The following KIDINS220 variants were observed in gnomAD, a reference collection of about 807,000 sequenced individuals.
KIDINS220 encodes kinase D interacting substrate 220, also known as kinase D-interacting substrate of 220 kDa.
Under a neutral mutation model 157.6 loss-of-function variants are expected in KIDINS220, and 63 were observed. The ratio of observed to expected loss-of-function variants is 0.40; its 90% CI spans 0.33 to 0.49. The LOEUF (loss-of-function observed/expected upper bound fraction) is 0.49. Among genes scored for constraint, KIDINS220 ranks in the 20% least tolerant of loss-of-function variants. The probability of loss-of-function intolerance (pLI) is 0.66; values close to 1 mark genes in which losing one functional copy is unlikely to be tolerated. For synonymous variants in KIDINS220, 732 were observed against 783.6 expected (o/e 0.93, Z 1.10); for missense variants, 1,772 against 2,171.2 (o/e 0.82, Z 3.65).
chr2:8,745,435 T>C (rs1281133700), intron 26 of KIDINS220, among the ~76,000 whole-genome samples: 1 of 152,172 alleles, frequency 6.6e-6, no homozygotes, highest in East Asian at 1.9e-4. Flanking sequence ...CATCAACCTC[T>C]CAACGAAAGC....
At chr2:8,777,227 T>C (rs1457959479) in intron 20 of KIDINS220, among the ~76,000 whole-genome samples, 1 of 152,204 alleles carries the variant, frequency 6.6e-6, no homozygotes, top group Non-Finnish European at 1.5e-5. Flanking sequence ...GGGGTCTGGC[T>C]ATTTATAGAA....
chr2:8,799,440 C>G (rs1203373069), intron 9 of KIDINS220, among the ~76,000 whole-genome samples: 1 of 151,938 alleles, frequency 6.6e-6, no homozygotes, highest in Non-Finnish European at 1.5e-5. Context: ...CCAGGCTCTT[C>G]ACCTACCTAA....
At chr2:8,779,839 A>G (rs1427294946) in intron 17 of KIDINS220, 25 bp from the exon 18 acceptor site, 1 of 1,611,604 alleles carries the variant, frequency 6.2e-7, no homozygotes, top group Admixed American at 1.7e-5. Context: ...AAGGTATAGA[A>G]AGCACTGAAG....
At chr2:8,820,508 G>T (rs1333529355) in intron 2 of KIDINS220, among the ~76,000 whole-genome samples, 1 of 152,144 alleles carries the variant, frequency 6.6e-6, no homozygotes, top group Admixed American at 6.5e-5. Flanking sequence ...GCTATTATAA[G>T]AATAATACAA....
At chr2:8,764,132 T>C (rs552261476) in intron 22 of KIDINS220, among the ~76,000 whole-genome samples, 4 of 152,246 alleles carry the variant, frequency 2.6e-5, no homozygotes, top group Admixed American at 2.0e-4. Context: ...CTAAGTGAAG[T>C]AAAACAAGAG....
At chr2:8,820,811 C>T (rs1049755114) in intron 2 of KIDINS220, among the ~76,000 whole-genome samples, 1 of 152,284 alleles carries the variant, frequency 6.6e-6, no homozygotes, top group East Asian at 1.9e-4. Flanking sequence ...AATTCTGAGT[C>T]GTCACTACCA....
chr2:8,811,646 G>A (rs1676328675), intron 6 of KIDINS220, among the ~76,000 whole-genome samples: 1 of 152,124 alleles, frequency 6.6e-6, no homozygotes, highest in Non-Finnish European at 1.5e-5. Context: ...AAGACAGGCT[G>A]AAGCCAAACT....
chr2:8,757,875 T>C lies in KIDINS220; in HGVS notation c.3012-6231A>G. 3.3e-6 allele frequency: 4 copies of C among 1,207,306 alleles called. No homozygotes were observed. The Admixed American group carries it at 7.8e-5, about 23-fold the overall frequency. 74.8% of individuals were successfully genotyped at this position (1,207,306 alleles called of 1,614,324 possible). ...CTGTATGTTTTCTTTGTTGGTTTTG[T>C]TTTTAAGATGGAGTTTCACTCTTGT... On this transcript the variant is annotated intron_variant, in intron 22 of 29. Transcript: ENST00000256707.
At chr2:8,824,564 T>C (rs1339932064) in intron 2 of KIDINS220, among the ~76,000 whole-genome samples, 1 of 151,998 alleles carries the variant, frequency 6.6e-6, no homozygotes, top group African/African-American at 2.4e-5. Flanking sequence ...ACCTGTGTCC[T>C]AGCTACTTGG....
chr2:8,776,978 A>T (rs1671051549), intron 20 of KIDINS220, 86 bp from the exon 21 acceptor site: 1 of 1,426,054 alleles, frequency 7.0e-7, no homozygotes, highest in Admixed American at 2.3e-5. Flanking sequence ...AAATGTTTAT[A>T]ACAAAAAAAA....
intron 1 of KIDINS220, among the ~76,000 whole-genome samples, chr2:8,828,806 G>A (rs1558505662): frequency 6.6e-6 from 1 of 152,198 alleles, no homozygotes; most frequent in Non-Finnish European, 1.5e-5. Flanking sequence ...GAACAGGACT[G>A]TCTATAACTG....
intron 9 of KIDINS220, among the ~76,000 whole-genome samples, chr2:8,799,797 T>G (rs185180958): frequency 6.6e-6 from 1 of 152,180 alleles, no homozygotes; most frequent in Non-Finnish European, 1.5e-5. Context: ...AACAACAAAA[T>G]GAAGACGCCA....
intron 4 of KIDINS220, among the ~76,000 whole-genome samples, chr2:8,816,763 G>A (rs1037940882): frequency 3.3e-5 from 5 of 152,138 alleles, no homozygotes; most frequent in African/African-American, 4.8e-5. Flanking sequence ...TCACTGCAAC[G>A]TACTTAAGTT....
In KIDINS220 at chr2:8,732,073, C is replaced by T. The variant is rs923885512; in HGVS notation, c.4054-91G>A. 27 of 1,131,100 alleles carry T rather than the reference C, an allele frequency of 2.4e-5. 1 individual carries two copies. In the South Asian group the frequency reaches 5.0e-4, roughly 21 times the overall value. 70.1% of individuals were successfully genotyped at this position (1,131,100 alleles called of 1,614,324 possible). On this transcript the variant is annotated intron_variant, in intron 29 of 29. Transcript: ENST00000256707. ...TTAGGAAATATATATGTACACTAAC[C>T]ATTTAAAAAGTCATCAAAACATCAA...
At position 8,780,863 on chromosome 2, in the gene KIDINS220, G is replaced by A. The variant is rs552120249; in HGVS notation, c.2230-1049C>T. Among the ~76,000 whole-genome samples the A allele has an allele frequency of 1.0e-3, 154 of 151,680 alleles. 1 individual carries two copies. The highest frequency in any genetic ancestry group is 2.9e-3 in the African/African-American group (121 of 41,412). ...AGCATAAAAGACAAAAAGAAGAGTA[G>A]AAGACAAAAATAGGAACAAAAATCA... On this transcript the variant is annotated intron_variant, in intron 17 of 29. Transcript: ENST00000256707.
intron 22 of KIDINS220, 112 bp from the exon 23 acceptor site, chr2:8,751,756 T>C: frequency 2.7e-6 from 2 of 733,742 alleles, no homozygotes; most frequent in South Asian, 3.8e-5. Flanking sequence ...GTCTGATGGA[T>C]TTGGTCTAAT....
chr2:8,789,646 T>C (rs1424908850), intron 14 of KIDINS220, among the ~76,000 whole-genome samples: 2 of 152,140 alleles, frequency 1.3e-5, no homozygotes, highest in East Asian at 1.9e-4. Context: ...TATAATAATA[T>C]AGGTTCTTGC....
intron 4 of KIDINS220, among the ~76,000 whole-genome samples, chr2:8,814,296 T>C (rs1558477389): frequency 6.6e-6 from 1 of 152,178 alleles, no homozygotes; most frequent in Non-Finnish European, 1.5e-5. Context: ...TTTTTTTAAG[T>C]ATGGAGCATC....
At chr2:8,813,187 A>G in intron 5 of KIDINS220, 50 bp downstream of exon 5, 1 of 1,271,700 alleles carries the variant, frequency 7.9e-7, no homozygotes, top group Admixed American at 2.0e-5. Flanking sequence ...AGTATTCCCT[A>G]AGAAAACTTA....
Sources: allele counts gnomAD v4.1 joint callset (sites outside exome capture counted in the v4.1 genomes callset), GRCh38; gene constraint gnomAD v4.1.1; transcripts MANE v1.5; gene names NCBI Gene and HGNC (gene_info 2026-07-23, HGNC 2026-07-21).